OARD1: variants seen among roughly 807,000 people sequenced by gnomAD.
OARD1 encodes the protein ADP-ribose glycohydrolase OARD1.
A neutral mutation model predicts 19.7 loss-of-function variants in OARD1; 19 were observed. That is an observed-to-expected ratio of 0.96 (90% CI 0.67 to 1.41). The LOEUF (loss-of-function observed/expected upper bound fraction) is 1.41. Ranked by LOEUF, OARD1 falls within the 40% of genes most tolerant of loss-of-function variation. OARD1 has a pLI of 0.00. For missense variants in OARD1, 190 were observed against 183.8 expected (o/e 1.03, Z -0.20); for synonymous variants, 70 against 61.8 (o/e 1.13, Z -0.62).
At chr6:41,069,880 CT>C in intron 4 of OARD1, 195 bp downstream of exon 4, 1 of 642,716 alleles carries the variant, frequency 1.6e-6, no homozygotes, top group Non-Finnish European at 2.8e-6. Flanking sequence ...CCTCACATTT[CT>C]TTCTAACCCA....
chr6:41,082,965 T>C (rs1216381663), intron 1 of OARD1, among the ~76,000 whole-genome samples: 1 of 152,210 alleles, frequency 6.6e-6, no homozygotes, highest in Non-Finnish European at 1.5e-5. Context: ...TAGGAGGACC[T>C]TACTATCTAA....
chr6:41,080,613 G>A (rs1379318458), intron 1 of OARD1, among the ~76,000 whole-genome samples: 1 of 152,172 alleles, frequency 6.6e-6, no homozygotes, highest in Non-Finnish European at 1.5e-5. Flanking sequence ...TCAAATTTTT[G>A]AGGTCCACTC....
At chr6:41,083,841 G>C (rs1763972471) in intron 1 of OARD1, among the ~76,000 whole-genome samples, 1 of 152,204 alleles carries the variant, frequency 6.6e-6, no homozygotes, top group African/African-American at 2.4e-5. Flanking sequence ...CATTATGTCT[G>C]ACCTTAAAGT....
chr6:41,088,740 A>T (rs1045714805), intron 1 of OARD1, among the ~76,000 whole-genome samples: 6 of 151,944 alleles, frequency 3.9e-5, no homozygotes, highest in Non-Finnish European at 8.8e-5. Flanking sequence ...ATGTCCTACC[A>T]TGCCTGGATA....
chr6:41,073,209 G>T (rs556059724), upstream of OARD1: 1 of 151,974 alleles, frequency 6.6e-6, no homozygotes, highest in African/African-American at 2.4e-5. Flanking sequence ...GCTGAGCCTA[G>T]CCGAGCCGGG....
chr6:41,083,813 A>G (rs528385734), intron 1 of OARD1, among the ~76,000 whole-genome samples: 39 of 152,342 alleles, frequency 2.6e-4, no homozygotes, highest in African/African-American at 7.9e-4. Context: ...AGACTTCTCA[A>G]AGACTCTGGA....
chr6:41,089,763 A>C lies in OARD1; in HGVS notation c.-42+7950T>G, dbSNP rs943067347. The C allele has an allele frequency of 1.8e-5, 29 of 1,586,988 alleles. No individual in the cohort carries two copies. The Admixed American group carries it at 5.1e-4, about 28-fold the overall frequency. On this transcript the variant is annotated intron_variant, in intron 1 of 4. Transcript: ENST00000480585. Reference sequence around the variant, plus strand: ...AGCAAAACTGATTTGGAAGAGTCAGATAACTGAGTCAGATATTTCATGTAT... The same window carrying C: ...AGCAAAACTGATTTGGAAGAGTCAGCTAACTGAGTCAGATATTTCATGTAT...
chr6:41,071,526 A>T, intron 2 of OARD1, 70 bp downstream of exon 2: 3 of 1,300,160 alleles, frequency 2.3e-6, no homozygotes, highest in South Asian at 2.4e-5. Flanking sequence ...TTTAATTAAA[A>T]AGTGTTTATG....
Position 41,089,447 on chromosome 6 carries a change from A to G in OARD1, c.-42+8266T>C, listed in dbSNP as rs563076068. On this transcript the variant is annotated intron_variant, in intron 1 of 4. Transcript: ENST00000480585. The stretch of plus-strand genomic sequence containing the variant: ...ATAAGTTGTGTCTACTTCATAATGG[A>G]GGGCAGAGCAGGACTTCTTTTTTCC... 6.6e-6 allele frequency: 6 copies of G among 914,938 alleles called. No individual in the cohort carries two copies. In the East Asian group the frequency reaches 1.7e-4, roughly 27 times the overall value. The allele number at this position is 914,938 out of a possible 1,614,324, so 56.7% of individuals were successfully genotyped here. A position where few individuals can be genotyped will look rare whatever the true frequency, so the allele number is the denominator to read the frequency against.
At chr6:41,068,396 G>C (rs1274042685) in intron 5 of OARD1, among the ~76,000 whole-genome samples, 1 of 152,242 alleles carries the variant, frequency 6.6e-6, no homozygotes, top group African/African-American at 2.4e-5. Flanking sequence ...CAAGTGTGCA[G>C]TATAAAAGGG....
At chr6:41,070,158 AGAAAT>A in intron 3 of OARD1, 24 bp from the exon 4 acceptor site, 1 of 1,303,884 alleles carries the variant, frequency 7.7e-7, no homozygotes. Flanking sequence ...ATTTAATAGT[AGAAAT>A]GAAAAAGAAA....
chr6:41,084,893 G>A (rs937634584), intron 1 of OARD1, among the ~76,000 whole-genome samples: 4 of 152,150 alleles, frequency 2.6e-5, no homozygotes, highest in South Asian at 2.1e-4. Context: ...CCCAGGAGGC[G>A]GAGGTTGCAG....
chr6:41,090,176 G>T, intron 1 of OARD1: 4 of 1,432,116 alleles, frequency 2.8e-6, no homozygotes, highest in Non-Finnish European at 3.9e-6. Context: ...GGGATCTGTT[G>T]AATTGTGTCA....
chr6:41,090,300 C>T, intron 1 of OARD1: 1 of 1,612,964 alleles, frequency 6.2e-7, no homozygotes, highest in South Asian at 1.1e-5. Flanking sequence ...TGGCACCATT[C>T]TCCAGCAAGG....
chr6:41,067,007 A>G lies in OARD1; in HGVS notation c.*328T>C, dbSNP rs1002362856. The G allele has an allele frequency of 2.4e-5, 4 of 168,794 alleles. No individual in the cohort carries two copies. Among genetic ancestry groups the G allele is most frequent in the Non-Finnish European group, 5.1e-5 (4 of 78,414 alleles). The allele number at this position is 168,794 out of a possible 1,614,324, so 10.5% of individuals were successfully genotyped here. On this transcript the variant is annotated 3_prime_UTR_variant, in exon 6 of 6. Coordinates refer to ENST00000424266, the MANE Select transcript of OARD1 (RefSeq NM_001329686.2). ...TTCTCTTAAAAAGCAGAGAAGTAGA[A>G]CCAATGCTGCCACCTAGTGGCCAGC...
chr6:41,086,444 T>TA (rs1422846016), intron 1 of OARD1, among the ~76,000 whole-genome samples: 4 of 152,340 alleles, frequency 2.6e-5, no homozygotes, highest in African/African-American at 9.6e-5. Flanking sequence ...TATATTCTGT[T>TA]ACGTAAATAA....
At chr6:41,090,054 G>T in intron 1 of OARD1, 1 of 564,204 alleles carries the variant, frequency 1.8e-6, no homozygotes, top group Non-Finnish European at 3.1e-6. Flanking sequence ...AGGTTGCAGT[G>T]AGCTGAGATT....
intron 1 of OARD1, among the ~76,000 whole-genome samples, chr6:41,085,564 A>G (rs1265304532): frequency 6.6e-6 from 1 of 152,194 alleles, no homozygotes; most frequent in Admixed American, 6.5e-5. Flanking sequence ...CTCTATCTAA[A>G]TGTTTATATT....
intron 3 of OARD1, among the ~76,000 whole-genome samples, chr6:41,070,540 A>G (rs1451384340): frequency 6.6e-6 from 1 of 152,266 alleles, no homozygotes; most frequent in African/African-American, 2.4e-5. Flanking sequence ...GAATACAGAT[A>G]TATAAAAAAG....
Sources: gnomAD v4.1 joint callset for allele counts (sites outside exome capture counted in the v4.1 genomes callset) on GRCh38, gnomAD v4.1.1 for gene constraint, MANE v1.5 for transcripts, NCBI Gene and HGNC (gene_info 2026-07-23, HGNC 2026-07-21) for gene names.